HHAT: variants seen among roughly 807,000 people sequenced by gnomAD.
HHAT encodes protein-cysteine N-palmitoyltransferase HHAT.
Under a neutral mutation model 70.8 loss-of-function variants are expected in HHAT, and 47 were observed. The ratio of observed to expected loss-of-function variants is 0.66; its 90% CI spans 0.53 to 0.85. The LOEUF (loss-of-function observed/expected upper bound fraction) is 0.85, where lower values mean the gene tolerates loss of function less well. Among genes scored for constraint, HHAT ranks in the 40% least tolerant of loss-of-function variants. HHAT has a pLI of 0.00. For synonymous variants in HHAT, 228 were observed against 247.6 expected (o/e 0.92, Z 0.74); for missense variants, 609 against 604.8 (o/e 1.01, Z -0.07).
At chr1:210,385,610 A>G (rs1190873991) in intron 3 of HHAT, among the ~76,000 whole-genome samples, 1 of 152,208 alleles carries the variant, frequency 6.6e-6, no homozygotes, top group Non-Finnish European at 1.5e-5. Context: ...TGAGCAGGTC[A>G]TGTATCAGGA....
At chr1:210,419,133 C>T (rs1168726845) in intron 7 of HHAT, among the ~76,000 whole-genome samples, 1 of 152,150 alleles carries the variant, frequency 6.6e-6, no homozygotes, top group Non-Finnish European at 1.5e-5. Context: ...CCTCTCGGTT[C>T]CAGCACCCTC....
At chr1:210,381,500 C>T (rs762222569) in intron 3 of HHAT, among the ~76,000 whole-genome samples, 8 of 152,060 alleles carry the variant, frequency 5.3e-5, no homozygotes, top group Non-Finnish European at 1.0e-4. Context: ...AGGCTGGTCT[C>T]GAGCTCCTGG....
At chr1:210,539,206 A>C (rs568457598) in intron 9 of HHAT, among the ~76,000 whole-genome samples, 1 of 152,242 alleles carries the variant, frequency 6.6e-6, no homozygotes, top group African/African-American at 2.4e-5. Flanking sequence ...AAGAGAAAAA[A>C]GGTGTAGGAC....
chr1:210,594,159 C>T (rs868504504), intron 10 of HHAT, among the ~76,000 whole-genome samples: 3 of 152,072 alleles, frequency 2.0e-5, no homozygotes, highest in Non-Finnish European at 4.4e-5. Context: ...AGTCTATTTA[C>T]ATTCAATGTT....
chr1:210,563,822 TG>T (rs2095645300), intron 9 of HHAT, among the ~76,000 whole-genome samples: 1 of 152,232 alleles, frequency 6.6e-6, no homozygotes, highest in African/African-American at 2.4e-5. Context: ...TCTTCCTCCT[TG>T]CCTTCCAATT....
chr1:210,514,622 A>G (rs1380858527), intron 9 of HHAT, among the ~76,000 whole-genome samples: 1 of 152,176 alleles, frequency 6.6e-6, no homozygotes, highest in Admixed American at 6.5e-5. Flanking sequence ...GTCACCTATC[A>G]ATGATTAGAT....
chr1:210,544,367 GTT>G (rs569514246), intron 9 of HHAT, among the ~76,000 whole-genome samples: 789 of 89,944 alleles, frequency 8.8e-3, no homozygotes, highest in African/African-American at 0.03. Flanking sequence ...TCTTTCTTTC[GTT>G]TTTTTTTTTT....
At chr1:210,368,676 C>G (rs920248945) in intron 3 of HHAT, among the ~76,000 whole-genome samples, 6 of 152,144 alleles carry the variant, frequency 3.9e-5, no homozygotes, top group Admixed American at 1.3e-4. Flanking sequence ...ACAGAAAACA[C>G]CCAGCATGCT....
At chr1:210,673,956 TC>T (rs1680683424) in intron 11 of HHAT, among the ~76,000 whole-genome samples, 1 of 51,794 alleles carries the variant, frequency 1.9e-5, no homozygotes, top group African/African-American at 7.2e-5. Context: ...TTGCCCTATT[TC>T]TTTTTTTTTT....
intron 11 of HHAT, among the ~76,000 whole-genome samples, chr1:210,654,520 G>A (rs553559263): frequency 6.6e-6 from 1 of 152,356 alleles, no homozygotes; most frequent in African/African-American, 2.4e-5. Flanking sequence ...GAAACACCCT[G>A]GGGTTCTGAT....
intron 9 of HHAT, among the ~76,000 whole-genome samples, chr1:210,579,651 T>G (rs1658745181): frequency 6.6e-6 from 1 of 152,186 alleles, no homozygotes; most frequent in Non-Finnish European, 1.5e-5. Context: ...ACTTGACAAG[T>G]TCGAGGTTAC....
chr1:210,651,010 C>T (rs1178742080), intron 11 of HHAT, among the ~76,000 whole-genome samples: 1 of 152,154 alleles, frequency 6.6e-6, no homozygotes, highest in African/African-American at 2.4e-5. Flanking sequence ...TTGCCAGGAG[C>T]CACACAATCT....
chr1:210,495,464 G>A lies in HHAT; in HGVS notation c.1008-17689G>A, dbSNP rs146539201. 2.9e-3 allele frequency among the ~76,000 whole-genome samples: 441 copies of A among 152,080 alleles called. 3 individuals are homozygous for A. Among genetic ancestry groups the A allele is most frequent in the Non-Finnish European group, 2.9e-3 (199 of 67,992 alleles). ...TTTCAAGCAACATTTTTGACTCATC[G>A]GGAAAGTAGAGATTTTAATCCTTTC... On this transcript the variant is annotated intron_variant, in intron 8 of 11. Transcript: ENST00000261458.
chr1:210,623,553 C>T lies in HHAT; in HGVS notation c.1273C>T (p.Arg425Cys), dbSNP rs367896407. The T allele has an allele frequency of 3.7e-5, 59 of 1,614,016 alleles. No individual in the cohort carries two copies. The highest frequency in any genetic ancestry group is 5.3e-5 in the African/African-American group (4 of 75,006). The change falls in exon 11 of 12, where the codon CGT (arginine) becomes TGT (cysteine). Residue 425 changes from arginine (R) to cysteine (C), a missense_variant. Arg to Cys is a radical substitution (Grantham distance 180). Coordinates refer to ENST00000261458, the MANE Select transcript of HHAT (RefSeq NM_018194.6). Reference protein sequence around the residue: ...LARYFSPQARRRFHAALASCS... With the variant: ...LARYFSPQARCRFHAALASCS... ...CCGATACTTCTCCCCACAAGCTCGC[C>T]GTCGATTCCACGCTGCCCTTGCTTC...
intron 11 of HHAT, among the ~76,000 whole-genome samples, chr1:210,635,500 G>A (rs190181471): frequency 1.3e-4 from 20 of 152,266 alleles, no homozygotes; most frequent in African/African-American, 4.3e-4. Context: ...AGTACTAGGC[G>A]CAGGGTGATC....
intron 3 of HHAT, among the ~76,000 whole-genome samples, chr1:210,371,434 GC>G (rs2089562706): frequency 6.6e-6 from 1 of 152,220 alleles, no homozygotes; most frequent in Non-Finnish European, 1.5e-5. Flanking sequence ...ACAGGTGTGA[GC>G]CACCCTGCCT....
intron 11 of HHAT, among the ~76,000 whole-genome samples, chr1:210,657,078 C>T (rs1676596312): frequency 6.6e-6 from 1 of 152,162 alleles, no homozygotes; most frequent in East Asian, 1.9e-4. Context: ...GTTCTGTGCT[C>T]CAGTCAAGTT....
At chr1:210,642,297 A>G (rs1395437833) in intron 11 of HHAT, among the ~76,000 whole-genome samples, 1 of 152,232 alleles carries the variant, frequency 6.6e-6, no homozygotes, top group African/African-American at 2.4e-5. Flanking sequence ...TCATGTATCT[A>G]TTCAACTGAT....
At chr1:210,404,037 A>C (rs987395457) in intron 5 of HHAT, among the ~76,000 whole-genome samples, 1 of 152,060 alleles carries the variant, frequency 6.6e-6, no homozygotes, top group African/African-American at 2.4e-5. Flanking sequence ...CGAAAAATAC[A>C]TTGAAGACAG....
Sources: gnomAD v4.1 joint callset for allele counts (sites outside exome capture counted in the v4.1 genomes callset) on GRCh38, gnomAD v4.1.1 for gene constraint, MANE v1.5 for transcripts, NCBI Gene and HGNC (gene_info 2026-07-23, HGNC 2026-07-21) for gene names.